RIMS2: variants seen among roughly 807,000 people sequenced by gnomAD.
RIMS2 encodes regulating synaptic membrane exocytosis protein 2.
A neutral mutation model predicts 174.4 loss-of-function variants in RIMS2; 59 were observed. The ratio of observed to expected loss-of-function variants is 0.34; its 90% CI spans 0.27 to 0.42. The LOEUF (loss-of-function observed/expected upper bound fraction) is 0.42. RIMS2 is among the 10% of genes least tolerant of loss of function. The pLI, the probability that RIMS2 is intolerant of heterozygous loss-of-function variation, is 1.00. For synonymous variants in RIMS2, 606 were observed against 572.5 expected, an observed-to-expected ratio of 1.06 and a Z score of -0.84; for missense variants, 1,620 against 1,666.3, an observed-to-expected ratio of 0.97 and a Z score of 0.48.
At position 103,979,055 on chromosome 8, in the gene RIMS2, A is replaced by G. The variant is rs542450447; in HGVS notation, c.2927+3549A>G. The stretch of plus-strand genomic sequence containing the variant: ...TATTATTCAATAAACTTATAAAGCA[A>G]TTTTAAAAAGATAGTTTTTAAATTC... On this transcript the variant is annotated intron_variant, in intron 16 of 23. Transcript: ENST00000504942. Among the ~76,000 whole-genome samples the G allele has an allele frequency of 1.1e-4, 17 of 152,336 alleles. No individual in the cohort carries two copies. The South Asian group carries it at 2.7e-3, about 24-fold the overall frequency.
At chr8:103,968,527 G>A (rs1247792842) in intron 15 of RIMS2, among the ~76,000 whole-genome samples, 7 of 148,336 alleles carry the variant, frequency 4.7e-5, no homozygotes, top group Admixed American at 4.7e-4. Flanking sequence ...TTTTTTTTGG[G>A]TAGGTACTCT....
At chr8:104,032,929 A>G (rs1042696632) in intron 19 of RIMS2, among the ~76,000 whole-genome samples, 3 of 151,976 alleles carry the variant, frequency 2.0e-5, no homozygotes, top group Non-Finnish European at 4.4e-5. Context: ...ACAGCATATT[A>G]TGTCTGTGAA....
At chr8:103,961,222 A>ATT in intron 15 of RIMS2, 89 bp downstream of exon 17, 3 of 743,880 alleles carry the variant, frequency 4.0e-6, no homozygotes, top group Non-Finnish European at 7.1e-6. Context: ...AAAGAGAAAG[A>ATT]TATAACTCGT....
intron 1 of RIMS2, among the ~76,000 whole-genome samples, chr8:103,667,634 T>G (rs2096688749): frequency 6.6e-6 from 1 of 152,186 alleles, no homozygotes; most frequent in Non-Finnish European, 1.5e-5. Context: ...AAAGTATACT[T>G]CATGAGTGCA....
At chr8:103,706,097 A>G (rs985154988) in intron 2 of RIMS2, among the ~76,000 whole-genome samples, 3 of 151,678 alleles carry the variant, frequency 2.0e-5, no homozygotes, top group Non-Finnish European at 4.4e-5. Flanking sequence ...CGTCGTTTCT[A>G]TTAGCTTACA....
At chr8:103,742,265 T>G (rs1361651960) in intron 2 of RIMS2, among the ~76,000 whole-genome samples, 7 of 152,110 alleles carry the variant, frequency 4.6e-5, no homozygotes, top group Admixed American at 4.6e-4. Flanking sequence ...CAAAACAACC[T>G]AAATGTGAGT....
intron 8 of RIMS2, 29 bp downstream of exon 11, chr8:103,916,566 T>C (rs766256040): frequency 4.5e-6 from 7 of 1,570,580 alleles, no homozygotes; most frequent in Non-Finnish European, 5.2e-6. Context: ...TTTATATGTG[T>C]GTGAAGTTGA....
chr8:104,180,941 T>C (rs2098936168), intron 19 of RIMS2, among the ~76,000 whole-genome samples: 1 of 151,854 alleles, frequency 6.6e-6, no homozygotes, highest in South Asian at 2.1e-4. Context: ...TGAAGCATCA[T>C]GAAAACAGAA....
At chr8:103,845,095 A>T (rs1439031025) in intron 3 of RIMS2, among the ~76,000 whole-genome samples, 2 of 152,132 alleles carry the variant, frequency 1.3e-5, no homozygotes, top group African/African-American at 4.8e-5. Flanking sequence ...TTTCAAAATT[A>T]TACCATTTTA....
At chr8:103,568,833 G>T in intron 1 of RIMS2, 2 of 1,150,444 alleles carry the variant, frequency 1.7e-6, no homozygotes, top group South Asian at 1.2e-5. Context: ...ATATTCTTCT[G>T]TAGGGTTAGC....
Position 103,910,305 on chromosome 8 carries a change from T to TA in RIMS2, c.1692+105dup, listed in dbSNP as rs755124846. 3.9e-5 allele frequency: 59 copies of TA among 1,529,752 alleles called. No homozygotes were observed. Among genetic ancestry groups the TA allele is most frequent in the African/African-American group, 2.2e-4 (16 of 71,552 alleles). The allele number at this position is 1,529,752 out of a possible 1,614,324, so 94.8% of individuals were successfully genotyped here. A position where few individuals can be genotyped will look rare whatever the true frequency, so the allele number is the denominator to read the frequency against. On this transcript the variant is annotated intron_variant, in intron 5 of 23. Transcript: ENST00000504942. ...CTTTTTTGTATCTTTTTTTTTTTTTTATCCCATACCTGTAGGGGACAGTCA... is the reference window on the plus strand; with the variant it reads ...CTTTTTTGTATCTTTTTTTTTTTTTTAATCCCATACCTGTAGGGGACAGTCA...
chr8:103,700,449 G>A (rs921221049), intron 2 of RIMS2, among the ~76,000 whole-genome samples: 2 of 151,664 alleles, frequency 1.3e-5, no homozygotes, highest in Non-Finnish European at 2.9e-5. Context: ...TTTGGAAATG[G>A]AATTGCATAT....
intron 1 of RIMS2, among the ~76,000 whole-genome samples, chr8:103,677,860 G>A (rs1231783956): frequency 6.6e-6 from 1 of 152,110 alleles, no homozygotes; most frequent in Non-Finnish European, 1.5e-5. Context: ...ATGTACAGAA[G>A]GAGCTGAATT....
chr8:103,563,074 G>C (rs186106215), intron 1 of RIMS2, among the ~76,000 whole-genome samples: 4 of 152,212 alleles, frequency 2.6e-5, no homozygotes, highest in African/African-American at 4.8e-5. Flanking sequence ...CTCCAGGCCT[G>C]TGATGGGAGG....
At chr8:103,922,578 C>T in intron 10 of RIMS2, 1 of 345,518 alleles carries the variant, frequency 2.9e-6, no homozygotes, top group South Asian at 2.2e-5. Flanking sequence ...CTTGAAATTT[C>T]ATGAGTATTA....
Position 103,722,412 on chromosome 8 carries a change from T to C in RIMS2, c.387+25116T>C, listed in dbSNP as rs2097461512. 2.6e-5 allele frequency among the ~76,000 whole-genome samples: 4 copies of C among 152,136 alleles called. No homozygotes were observed. In the South Asian group the frequency reaches 6.2e-4, roughly 24 times the overall value. The stretch of plus-strand genomic sequence containing the variant: ...ATCAGTGAGAGCTCTGAGCCTGTTT[T>C]CCTGCAACTAGATGGTTCCATCTGG... On this transcript the variant is annotated intron_variant, in intron 2 of 23. Coordinates refer to ENST00000504942, the Ensembl canonical transcript of RIMS2.
At chr8:103,993,428 T>A (rs1168189775) in intron 17 of RIMS2, among the ~76,000 whole-genome samples, 1 of 152,164 alleles carries the variant, frequency 6.6e-6, no homozygotes, top group African/African-American at 2.4e-5. Flanking sequence ...TGGCATACCT[T>A]ACACACTCAT....
chr8:104,173,516 G>A (rs2098844231), intron 19 of RIMS2, among the ~76,000 whole-genome samples: 1 of 149,542 alleles, frequency 6.7e-6, no homozygotes, highest in African/African-American at 2.5e-5. Context: ...TTTTGATCAT[G>A]AGAGTTTCCA....
intron 15 of RIMS2, among the ~76,000 whole-genome samples, chr8:103,973,146 G>A (rs1309435128): frequency 6.6e-6 from 1 of 152,276 alleles, no homozygotes; most frequent in East Asian, 1.9e-4. Context: ...TTTTCCTAAA[G>A]TATTACTTCC....
Sources: gnomAD v4.1 joint callset for allele counts (sites outside exome capture counted in the v4.1 genomes callset) on GRCh38, gnomAD v4.1.1 for gene constraint, MANE v1.5 for transcripts, NCBI Gene and HGNC (gene_info 2026-07-23, HGNC 2026-07-21) for gene names.